The following IQSEC1 variants were observed in gnomAD, a reference collection of about 807,000 sequenced individuals.
IQSEC1 encodes the protein IQ motif and Sec7 domain ArfGEF 1.
Under a neutral mutation model 91.0 loss-of-function variants are expected in IQSEC1, and 31 were observed. The ratio of observed to expected loss-of-function variants is 0.34; its 90% CI spans 0.26 to 0.46. The LOEUF is 0.46. IQSEC1 is among the 20% of genes least tolerant of loss of function. The pLI is 1.00. For synonymous variants in IQSEC1, 699 were observed against 662.6 expected (o/e 1.05, Z -0.84); for missense variants, 1,388 against 1,575.6 (o/e 0.88, Z 2.02).
At chr3:13,058,162 A>C (rs915843691) in intron 1 of IQSEC1, among the ~76,000 whole-genome samples, 2 of 152,118 alleles carry the variant, frequency 1.3e-5, no homozygotes, top group African/African-American at 4.8e-5. Context: ...AATCCCAGCA[A>C]CTCAGGAGGC....
intron 1 of IQSEC1, chr3:13,022,272 T>C: frequency 8.2e-7 from 1 of 1,220,056 alleles, no homozygotes; most frequent in Non-Finnish European, 1.0e-6. Context: ...GAGGAGGCAC[T>C]GGCTGCCACA....
At chr3:13,006,911 C>T (rs567600243) in intron 1 of IQSEC1, among the ~76,000 whole-genome samples, 2 of 152,350 alleles carry the variant, frequency 1.3e-5, no homozygotes, top group South Asian at 4.1e-4. Context: ...ACTGGCGGAG[C>T]CCCTGCAGCC....
At chr3:13,182,347 G>A (rs949142297) in intron 1 of IQSEC1, among the ~76,000 whole-genome samples, 1 of 152,168 alleles carries the variant, frequency 6.6e-6, no homozygotes, top group African/African-American at 2.4e-5. Flanking sequence ...TCCATTCTGG[G>A]CAATCACAGC....
At chr3:13,065,677 G>T (rs1461981512) in intron 1 of IQSEC1, among the ~76,000 whole-genome samples, 1 of 152,206 alleles carries the variant, frequency 6.6e-6, no homozygotes, top group Non-Finnish European at 1.5e-5. Context: ...ACAGTATGGC[G>T]GCTCTTCAAA....
chr3:12,984,935 C>T (rs1247114413), intron 1 of IQSEC1, among the ~76,000 whole-genome samples: 1 of 149,812 alleles, frequency 6.7e-6, no homozygotes, highest in Non-Finnish European at 1.5e-5. Flanking sequence ...TGCCATTCTC[C>T]TGCCTCAGCC....
At chr3:13,009,566 C>T (rs1001131536) in intron 1 of IQSEC1, among the ~76,000 whole-genome samples, 1 of 151,766 alleles carries the variant, frequency 6.6e-6, no homozygotes, top group South Asian at 2.1e-4. Context: ...AAGTATAACT[C>T]CAACTTCCAG....
chr3:13,198,450 G>A (rs940718810), intron 1 of IQSEC1, among the ~76,000 whole-genome samples: 1 of 152,094 alleles, frequency 6.6e-6, no homozygotes. Flanking sequence ...TAGGCGGGGG[G>A]CAGGAAGGGG....
At chr3:13,142,604 C>T (rs1182490873) in intron 2 of IQSEC1, among the ~76,000 whole-genome samples, 1 of 152,250 alleles carries the variant, frequency 6.6e-6, no homozygotes, top group Non-Finnish European at 1.5e-5. Context: ...CTGTAGGCCA[C>T]ATAGGGTTTG....
At chr3:13,134,181 C>T (rs1175687534) in intron 2 of IQSEC1, among the ~76,000 whole-genome samples, 3 of 152,228 alleles carry the variant, frequency 2.0e-5, no homozygotes, top group Non-Finnish European at 4.4e-5. Flanking sequence ...AGCATGGCCT[C>T]TAGGGTCCTG....
chr3:12,923,771 C>T (rs1200260873), intron 4 of IQSEC1, among the ~76,000 whole-genome samples: 1 of 152,240 alleles, frequency 6.6e-6, no homozygotes, highest in Admixed American at 6.5e-5. Flanking sequence ...CTCCCGGGCA[C>T]CTTCTCCCCA....
At position 12,935,444 on chromosome 3, in the gene IQSEC1, T is replaced by A; in HGVS notation, c.1568+4A>T. On this transcript the variant is annotated splice_donor_region_variant and intron_variant, in intron 3 of 13. Coordinates refer to ENST00000613206, the MANE Select transcript of IQSEC1 (RefSeq NM_001134382.3). The surrounding 1 kb of genome is among the most constrained non-coding windows in gnomAD (Gnocchi z 8.0). ...CACCCTGAGGGGTCACCCATGGTAC[T>A]CACTTGTTGAAGAGGTTCAGGCCGA... The A allele has an allele frequency of 6.2e-7, 1 of 1,604,920 alleles. No individual in the cohort carries two copies. The highest frequency in any genetic ancestry group is 8.5e-7 in the Non-Finnish European group (1 of 1,173,294).
At chr3:13,070,660 C>G (rs1428034691) in intron 1 of IQSEC1, among the ~76,000 whole-genome samples, 1 of 152,200 alleles carries the variant, frequency 6.6e-6, no homozygotes, top group East Asian at 1.9e-4. Flanking sequence ...AGAGCCACCC[C>G]CTCCAAGTAT....
At chr3:13,056,072 G>A (rs933247301) in intron 1 of IQSEC1, among the ~76,000 whole-genome samples, 4 of 152,188 alleles carry the variant, frequency 2.6e-5, no homozygotes, top group African/African-American at 9.7e-5. Context: ...GTCAGGCCAT[G>A]TCCAACTTCT....
intron 1 of IQSEC1, among the ~76,000 whole-genome samples, chr3:13,202,807 T>C (rs921379371): frequency 6.6e-6 from 1 of 152,108 alleles, no homozygotes; most frequent in African/African-American, 2.4e-5. Flanking sequence ...TGCACCACGA[T>C]AAAAAAAGCC....
chr3:13,154,692 G>T (rs1266908017), intron 2 of IQSEC1, among the ~76,000 whole-genome samples: 2 of 150,934 alleles, frequency 1.3e-5, no homozygotes, highest in Non-Finnish European at 2.9e-5. Flanking sequence ...AGTGGATGTG[G>T]ACTTTCTCCA....
At chr3:13,137,831 C>A (rs930331258) in intron 2 of IQSEC1, among the ~76,000 whole-genome samples, 1 of 151,956 alleles carries the variant, frequency 6.6e-6, no homozygotes, top group African/African-American at 2.4e-5. Context: ...AGACCCATCT[C>A]TAAAAATAAT....
At chr3:13,071,720 GAACCAGAGGCCACCGCCATCCCCCA>G (rs1705434376) in intron 1 of IQSEC1, among the ~76,000 whole-genome samples, 1 of 151,880 alleles carries the variant, frequency 6.6e-6, no homozygotes, top group South Asian at 2.1e-4. Context: ...GTCATCCCTC[GAACCAGAGGCCACCGCCATCCCCCA>G]AACCAGAGGC....
In IQSEC1 at chr3:13,123,664, C is replaced by T. The variant is rs571367106; in HGVS notation, c.302+40440G>A. On this transcript the variant is annotated intron_variant, in intron 2 of 15. Transcript: ENST00000648114. ...CCTCTGCAGACCCCTGAGTTTGCAC[C>T]CCTTGATTGAGCCTTCTTATGGAAA... Among the ~76,000 whole-genome samples the T allele has an allele frequency of 2.6e-5, 4 of 152,310 alleles. No homozygotes were observed. In the South Asian group the frequency reaches 6.2e-4, roughly 24 times the overall value.
chr3:13,157,029 T>C (rs1429989860), intron 2 of IQSEC1, among the ~76,000 whole-genome samples: 3 of 152,236 alleles, frequency 2.0e-5, no homozygotes, highest in African/African-American at 7.2e-5. Context: ...GCTCAGGGAA[T>C]TTGAGTCATT....
Sources: gnomAD v4.1 joint callset for allele counts (sites outside exome capture counted in the v4.1 genomes callset) on GRCh38, gnomAD v4.1.1 for gene constraint, Gnocchi (gnomAD v3.1) non-coding constraint, MANE v1.5 for transcripts, NCBI Gene and HGNC (gene_info 2026-07-23, HGNC 2026-07-21) for gene names.